Variants in MGRN1 observed in about 807,000 individuals in gnomAD.
The protein encoded by MGRN1 is mahogunin ring finger 1, also known as E3 ubiquitin-protein ligase MGRN1.
A neutral mutation model predicts 69.2 loss-of-function variants in MGRN1; 29 were observed. That is an observed-to-expected ratio of 0.42 (90% CI 0.31 to 0.57). MGRN1 has a LOEUF of 0.57. Among genes scored for constraint, MGRN1 ranks in the 20% least tolerant of loss-of-function variants. The pLI is 0.15. For synonymous variants in MGRN1, 470 were observed against 344.2 expected, an observed-to-expected ratio of 1.37 and a Z score of -4.04; for missense variants, 998 against 796.2, an observed-to-expected ratio of 1.25 and a Z score of -3.05.
At chr16:4,652,583 GCCA>G (rs2078433112) in intron 3 of MGRN1, 92 bp from the exon 4 acceptor site, 1 of 1,451,868 alleles carries the variant, frequency 6.9e-7, no homozygotes, top group African/African-American at 1.4e-5. Flanking sequence ...TGTCCACATA[GCCA>G]CCTCCACGGC....
Position 4,668,297 on chromosome 16 carries a change from A to G in MGRN1, c.711A>G (p.Leu237=), listed in dbSNP as rs773043934. 1.9e-6 allele frequency: 3 copies of G among 1,613,910 alleles called. No individual in the cohort carries two copies. Among genetic ancestry groups the G allele is most frequent in the Middle Eastern group, 3.3e-4 (2 of 6,084 alleles). The change falls in exon 8 of 17, where the codon TTA becomes TTG. Residue 237 remains leucine, a synonymous_variant. Coordinates refer to ENST00000262370, the MANE Select transcript of MGRN1 (RefSeq NM_015246.4). ...HMDGSFSVKP[L]KQKQIVDRVS... is the part of the protein sequence containing the mutation. ...ACGGCAGCTTCTCTGTGAAGCCTTT[A>G]AAGCAGAAGCAAATTGTAAGTCATC...
At chr16:4,639,630 A>G (rs1014620722) in intron 1 of MGRN1, among the ~76,000 whole-genome samples, 2 of 152,138 alleles carry the variant, frequency 1.3e-5, no homozygotes, top group Non-Finnish European at 2.9e-5. Context: ...GAGGATGAGG[A>G]ACGCCTGCCT....
chr16:4,629,261 A>G lies in MGRN1; in HGVS notation c.88+4213A>G, dbSNP rs567695709. Among the ~76,000 whole-genome samples, 40 of 152,110 alleles carry G rather than the reference A, an allele frequency of 2.6e-4. No homozygotes were observed. The South Asian group carries it at 6.2e-3, about 24-fold the overall frequency. On this transcript the variant is annotated intron_variant, in intron 1 of 16. Transcript: ENST00000262370. ...ATTGTTTATCTTACGGAGTTGTAACAAAGAGTTCTTTATGTGTTCTGGATA... is the reference window on the plus strand; with the variant it reads ...ATTGTTTATCTTACGGAGTTGTAACGAAGAGTTCTTTATGTGTTCTGGATA...
intron 5 of MGRN1, among the ~76,000 whole-genome samples, chr16:4,662,515 CAA>C (rs752715716): frequency 6.8e-5 from 9 of 132,482 alleles, no homozygotes; most frequent in Non-Finnish European, 4.9e-5. Flanking sequence ...GACTCTGTCT[CAA>C]AAAAAAAAAA....
At chr16:4,666,324 G>T (rs1390312021) in intron 7 of MGRN1, among the ~76,000 whole-genome samples, 1 of 152,096 alleles carries the variant, frequency 6.6e-6, no homozygotes, top group Non-Finnish European at 1.5e-5. Context: ...TAGAGAAGAG[G>T]TCTCGCTATG....
At chr16:4,641,574 A>G (rs1294389349) in intron 1 of MGRN1, among the ~76,000 whole-genome samples, 1 of 145,696 alleles carries the variant, frequency 6.9e-6, no homozygotes, top group Non-Finnish European at 1.5e-5. Flanking sequence ...GCTGGAGTGC[A>G]GTGGTGCAGT....
At position 4,680,039 on chromosome 16, in the gene MGRN1, T is replaced by G; in HGVS notation, c.1073T>G (p.Phe358Cys). The change falls in exon 12 of 17, where the codon TTT (phenylalanine) becomes TGT (cysteine). Residue 358 changes from phenylalanine to cysteine, a missense_variant. By Grantham distance (205) the Phe-to-Cys change is radical (BLOSUM62 -2). Coordinates refer to ENST00000262370, the MANE Select transcript of MGRN1 (RefSeq NM_015246.4). ...TGATTTTTATCTTGACAGTGTCCCT[T>G]TAAAAAATCAAAGCCGCACCCCGCC... ...SLEHDEHSCPFKKSKPHPASL... is the reference protein window; with the variant it reads ...SLEHDEHSCPCKKSKPHPASL... The G allele has an allele frequency of 1.2e-6, 2 of 1,613,962 alleles. No homozygotes were observed. Among genetic ancestry groups the G allele is most frequent in the Non-Finnish European group, 1.7e-6 (2 of 1,179,904 alleles).
intron 9 of MGRN1, chr16:4,672,414 C>T: frequency 2.2e-6 from 1 of 456,742 alleles, no homozygotes; most frequent in Non-Finnish European, 4.4e-6. Context: ...CTTGGAAAGT[C>T]TCACAGGCCC....
At chr16:4,659,635 A>C (rs1684620) in intron 5 of MGRN1, among the ~76,000 whole-genome samples, 3 of 152,144 alleles carry the variant, frequency 2.0e-5, no homozygotes, top group African/African-American at 4.8e-5. Context: ...CGCGTGCAGC[A>C]TAGTGCTGGC....
At chr16:4,656,040 C>T (rs1031474249) in intron 4 of MGRN1, among the ~76,000 whole-genome samples, 15 of 152,338 alleles carry the variant, frequency 9.8e-5, no homozygotes, top group Admixed American at 9.8e-4. Flanking sequence ...CCCCCACGCC[C>T]CATCCCATTT....
intron 4 of MGRN1, among the ~76,000 whole-genome samples, chr16:4,656,744 G>C (rs575581017): frequency 2.3e-4 from 35 of 152,198 alleles, no homozygotes; most frequent in African/African-American, 7.7e-4. Flanking sequence ...GCCTAGCATG[G>C]TGGCGCACAC....
intron 7 of MGRN1, among the ~76,000 whole-genome samples, chr16:4,665,422 T>C (rs1359661250): frequency 1.3e-5 from 2 of 151,354 alleles, no homozygotes; most frequent in Non-Finnish European, 1.5e-5. Flanking sequence ...TGGAGTTCAG[T>C]GGCGTGATCT....
intron 5 of MGRN1, among the ~76,000 whole-genome samples, chr16:4,658,074 G>A (rs1567201984): frequency 6.6e-6 from 1 of 151,822 alleles, no homozygotes; most frequent in Non-Finnish European, 1.5e-5. Context: ...CAGGTCTTTT[G>A]TAGGTTGCGG....
At chr16:4,659,383 C>A (rs1054948855) in intron 5 of MGRN1, among the ~76,000 whole-genome samples, 3 of 151,982 alleles carry the variant, frequency 2.0e-5, no homozygotes, top group African/African-American at 7.3e-5. Flanking sequence ...TTCCTGGGGT[C>A]CCTCCCCAGC....
rs561219609 is a variant in MGRN1, at chr16:4,665,017, C to T, written c.629-85C>T. The T allele has an allele frequency of 6.2e-5, 93 of 1,511,944 alleles. No homozygotes were observed. In the East Asian group the frequency reaches 1.2e-3, roughly 19 times the overall value. 93.7% of individuals were successfully genotyped at this position (1,511,944 alleles called of 1,614,324 possible). A position where few individuals can be genotyped will look rare whatever the true frequency, so the allele number is the denominator to read the frequency against. ...TCTGTGCAGGCTGAGCCCTCGGTGCCGCAGGCCTACCAGGGTCGGGGAGGT... is the reference window on the plus strand; with the variant it reads ...TCTGTGCAGGCTGAGCCCTCGGTGCTGCAGGCCTACCAGGGTCGGGGAGGT... On this transcript the variant is annotated intron_variant, in intron 6 of 16. Transcript: ENST00000262370.
intron 1 of MGRN1, among the ~76,000 whole-genome samples, chr16:4,632,124 C>T (rs991052554): frequency 6.9e-6 from 1 of 144,378 alleles, no homozygotes; most frequent in Non-Finnish European, 1.5e-5. Context: ...AAGTGATTCT[C>T]TCCTGCCTCA....
chr16:4,686,116 T>G, intron 16 of MGRN1: 5 of 984,938 alleles, frequency 5.1e-6, no homozygotes, highest in Non-Finnish European at 7.4e-6. Flanking sequence ...TGGTTCTCCT[T>G]GTGGTTCTCT....
intron 10 of MGRN1, 66 bp downstream of exon 10, chr16:4,673,723 G>T: frequency 1.9e-6 from 3 of 1,573,750 alleles, no homozygotes; most frequent in Non-Finnish European, 2.6e-6. Flanking sequence ...CACCACGGTG[G>T]TCCTGGGATA....
At chr16:4,647,880 C>T (rs149123638) in intron 1 of MGRN1, among the ~76,000 whole-genome samples, 39 of 152,222 alleles carry the variant, frequency 2.6e-4, no homozygotes, top group Admixed American at 7.2e-4. Context: ...CAGTCAGCAG[C>T]CATGCTGGGC....
Sources: allele counts gnomAD v4.1 joint callset (sites outside exome capture counted in the v4.1 genomes callset), GRCh38; gene constraint gnomAD v4.1.1; transcripts MANE v1.5; gene names NCBI Gene and HGNC (gene_info 2026-07-23, HGNC 2026-07-21).